Variants in POLR2F observed in about 807,000 individuals in gnomAD.
The protein encoded by POLR2F is RNA polymerase II, I and III subunit F, also known as DNA-directed RNA polymerases I, II, and III subunit RPABC2.
POLR2F carries 12 observed loss-of-function variants against 22.7 expected under a neutral mutation model. That is an observed-to-expected ratio of 0.53 (90% CI 0.34 to 0.86). The LOEUF is 0.86. Ranked by LOEUF, POLR2F falls within the 40% of genes least tolerant of loss-of-function variation. The pLI is 0.02. For synonymous variants in POLR2F, 57 were observed against 66.0 expected, an observed-to-expected ratio of 0.86 and a Z score of 0.66; for missense variants, 126 against 171.5, an observed-to-expected ratio of 0.73 and a Z score of 1.48.
chr22:38,013,392 C>G (rs779960540), intron 1 of POLR2F, among the ~76,000 whole-genome samples: 3 of 152,150 alleles, frequency 2.0e-5, no homozygotes, highest in African/African-American at 7.2e-5. Context: ...GTGATCCACC[C>G]ACCTTGGCCT....
At chr22:38,025,455 C>A in intron 1 of POLR2F, 1 of 1,337,644 alleles carries the variant, frequency 7.5e-7, no homozygotes, top group Non-Finnish European at 9.8e-7. Flanking sequence ...TTCATATACA[C>A]ACACGTACTC....
At chr22:37,957,420 G>C (rs1931445173) in intron 2 of POLR2F, among the ~76,000 whole-genome samples, 1 of 152,198 alleles carries the variant, frequency 6.6e-6, no homozygotes, top group Non-Finnish European at 1.5e-5. Context: ...TCGGTGGGTT[G>C]GTTATGGGGC....
In POLR2F at chr22:37,956,803, G is replaced by A. The variant is rs754057022; in HGVS notation, c.51G>A (p.Glu17=). 1 of 1,614,016 alleles carries A rather than the reference G, an allele frequency of 6.2e-7. No homozygotes were observed. The highest frequency in any genetic ancestry group is 8.5e-7 in the Non-Finnish European group (1 of 1,179,884). Reference sequence around the variant, plus strand: ...ATGGCGACGACTTTGATGATGTGGAGGAGGATGAAGGGCTAGATGACTTGG... The same window carrying A: ...ATGGCGACGACTTTGATGATGTGGAAGAGGATGAAGGGCTAGATGACTTGG... ...NFDGDDFDDV[E]EDEGLDDLEN... is the part of the protein sequence containing the mutation. The change falls in exon 2 of 5, where the codon GAG becomes GAA. Residue 17 remains glutamate (E), a synonymous_variant. Coordinates refer to ENST00000442738, the MANE Select transcript of POLR2F (RefSeq NM_021974.5).
At chr22:37,988,627 G>A (rs1932653604) in intron 1 of POLR2F, among the ~76,000 whole-genome samples, 1 of 152,096 alleles carries the variant, frequency 6.6e-6, no homozygotes, top group Non-Finnish European at 1.5e-5. Flanking sequence ...CTGCAGCCTG[G>A]GTGACAGAGT....
At chr22:38,041,621 C>G (rs1189816404), downstream of POLR2F, 1 of 153,050 alleles carries the variant, frequency 6.5e-6, no homozygotes, top group Non-Finnish European at 1.5e-5. Flanking sequence ...CCATTATCAC[C>G]CCCATTTTAT....
intron 1 of POLR2F, among the ~76,000 whole-genome samples, chr22:37,991,776 G>A (rs1449032380): frequency 6.6e-6 from 1 of 152,170 alleles, no homozygotes; most frequent in East Asian, 1.9e-4. Flanking sequence ...TCAGGCCAGG[G>A]AAGCAGCTGA....
chr22:38,024,455 G>A (rs1464576770), intron 1 of POLR2F, among the ~76,000 whole-genome samples: 1 of 152,154 alleles, frequency 6.6e-6, no homozygotes, highest in Non-Finnish European at 1.5e-5. Context: ...CTTTTATAGC[G>A]AGAATTCTTT....
upstream of POLR2F, chr22:37,984,005 C>A (rs1365387685): frequency 3.0e-6 from 1 of 328,514 alleles, no homozygotes; most frequent in Non-Finnish European, 5.5e-6. This position sits in a 1 kb window ranked among gnomAD's most constrained non-coding sequence, Gnocchi z 4.4. Context: ...GGCCCACGCA[C>A]ATGCCAGACT....
chr22:37,992,953 G>C (rs970462599), intron 1 of POLR2F, among the ~76,000 whole-genome samples: 2 of 152,166 alleles, frequency 1.3e-5, no homozygotes, highest in African/African-American at 4.8e-5. Context: ...CTGTCTGTGG[G>C]GTAAATAAAG....
At chr22:38,028,316 G>A (rs1031875205), downstream of POLR2F, among the ~76,000 whole-genome samples, 3 of 152,028 alleles carry the variant, frequency 2.0e-5, no homozygotes, top group African/African-American at 7.3e-5. Flanking sequence ...TAGGGTGGGG[G>A]GTTTCAAGAC....
intron 3 of POLR2F, among the ~76,000 whole-genome samples, chr22:37,966,519 T>C (rs1189422272): frequency 6.6e-6 from 1 of 152,010 alleles, no homozygotes; most frequent in Non-Finnish European, 1.5e-5. Flanking sequence ...ATGCCTTTCA[T>C]CCCAGCAATC....
chr22:38,038,956 G>A (rs188635881), intron 5 of POLR2F, among the ~76,000 whole-genome samples: 1 of 152,128 alleles, frequency 6.6e-6, no homozygotes, highest in East Asian at 1.9e-4. Flanking sequence ...GGCGGCTGGG[G>A]CTCCACAGGA....
At chr22:37,975,941 A>G (rs990160697) in intron 4 of POLR2F, among the ~76,000 whole-genome samples, 82 of 152,138 alleles carry the variant, frequency 5.4e-4, no homozygotes, top group African/African-American at 2.0e-3. Flanking sequence ...TATACTATAT[A>G]TATAGTAAGA....
chr22:37,982,828 C>T (rs528455805), upstream of POLR2F, among the ~76,000 whole-genome samples: 48 of 152,234 alleles, frequency 3.2e-4, no homozygotes, highest in African/African-American at 1.1e-3. Context: ...GGATGAGGTC[C>T]CGCAGCAGCA....
At chr22:38,010,693 T>G (rs1339953132) in intron 1 of POLR2F, among the ~76,000 whole-genome samples, 1 of 135,346 alleles carries the variant, frequency 7.4e-6, no homozygotes, top group Non-Finnish European at 1.6e-5. Flanking sequence ...CTCGGCTCAC[T>G]GCAACCTCCG....
At chr22:37,959,312 T>C (rs1373072367) in intron 2 of POLR2F, 34 bp from the exon 3 acceptor site, 3 of 1,609,528 alleles carry the variant, frequency 1.9e-6, no homozygotes, top group Non-Finnish European at 2.5e-6. Context: ...AAGTGCCACC[T>C]GAGTCTTTCC....
downstream of POLR2F, chr22:37,973,639 A>G (rs745437887): frequency 3.2e-5 from 51 of 1,613,718 alleles, no homozygotes; most frequent in African/African-American, 4.0e-5. Flanking sequence ...AGTAGAGGCC[A>G]GAGGCCTGGC....
chr22:38,041,306 C>A, downstream of POLR2F: 1 of 695,160 alleles, frequency 1.4e-6, no homozygotes, highest in Non-Finnish European at 2.4e-6. Flanking sequence ...CCCAGGTGAC[C>A]AGGTGGAAGG....
At chr22:38,007,291 C>A (rs2084830152) in intron 1 of POLR2F, among the ~76,000 whole-genome samples, 1 of 152,202 alleles carries the variant, frequency 6.6e-6, no homozygotes, top group Non-Finnish European at 1.5e-5. Flanking sequence ...GGGAACCTTT[C>A]AAGAAGGCAG....
Sources: gnomAD v4.1 joint callset for allele counts (sites outside exome capture counted in the v4.1 genomes callset) on GRCh38, gnomAD v4.1.1 for gene constraint, Gnocchi (gnomAD v3.1) non-coding constraint, MANE v1.5 for transcripts, NCBI Gene and HGNC (gene_info 2026-07-23, HGNC 2026-07-21) for gene names.